PAK5: variants seen among roughly 807,000 people sequenced by gnomAD.
PAK5 encodes p21 (RAC1) activated kinase 5, also known as serine/threonine-protein kinase PAK 5.
Under a neutral mutation model 65.9 loss-of-function variants are expected in PAK5, and 16 were observed. The ratio of observed to expected loss-of-function variants is 0.24; its 90% CI spans 0.16 to 0.37. The LOEUF (loss-of-function observed/expected upper bound fraction) is 0.37, where lower values mean the gene tolerates loss of function less well. Among genes scored for constraint, PAK5 ranks in the 10% least tolerant of loss-of-function variants. PAK5 has a pLI of 1.00. For synonymous variants in PAK5, 371 were observed against 354.9 expected (o/e 1.05, Z -0.51); for missense variants, 785 against 903.9 (o/e 0.87, Z 1.69).
intron 1 of PAK5, among the ~76,000 whole-genome samples, chr20:9,722,033 C>T (rs2048221164): frequency 6.6e-6 from 1 of 152,056 alleles, no homozygotes. Context: ...CCACTATTAA[C>T]ATGTACCATG....
chr20:9,663,468 T>C (rs1165359479), intron 2 of PAK5, among the ~76,000 whole-genome samples: 2 of 152,194 alleles, frequency 1.3e-5, no homozygotes, highest in Non-Finnish European at 2.9e-5. Context: ...GAAATTCAAA[T>C]CTTTGAAAAA....
At chr20:9,823,141 C>A (rs1403601983) in intron 1 of PAK5, among the ~76,000 whole-genome samples, 1 of 152,132 alleles carries the variant, frequency 6.6e-6, no homozygotes, top group African/African-American at 2.4e-5. Flanking sequence ...CTTTTTTACC[C>A]TTCTGCCATG....
intron 1 of PAK5, among the ~76,000 whole-genome samples, chr20:9,729,209 TG>T (rs1449108524): frequency 6.6e-6 from 1 of 151,808 alleles, no homozygotes; most frequent in Non-Finnish European, 1.5e-5. Context: ...CACTCCAGCC[TG>T]GGTGACAGAG....
At chr20:9,751,165 G>A (rs112536526) in intron 1 of PAK5, among the ~76,000 whole-genome samples, 2,611 of 152,194 alleles carry the variant, frequency 0.017, 73 homozygotes, top group African/African-American at 0.057. Flanking sequence ...AATCTATGAG[G>A]TAAAAGGTCC....
intron 3 of PAK5, among the ~76,000 whole-genome samples, chr20:9,617,161 C>A (rs2046672158): frequency 6.6e-6 from 1 of 152,198 alleles, no homozygotes; most frequent in African/African-American, 2.4e-5. Context: ...AATTCGATTG[C>A]ATTTATAACT....
chr20:9,734,108 A>G (rs1246213412), intron 1 of PAK5, among the ~76,000 whole-genome samples: 1 of 152,194 alleles, frequency 6.6e-6, no homozygotes, highest in African/African-American at 2.4e-5. Flanking sequence ...GTAATAGGTG[A>G]ATTTATCCTG....
intron 5 of PAK5, 41 bp from the exon 6 acceptor site, chr20:9,563,065 A>G: frequency 6.2e-7 from 1 of 1,603,020 alleles, no homozygotes; most frequent in African/African-American, 1.4e-5. Flanking sequence ...GTGAAGATGA[A>G]GTTGCTTTTT....
chr20:9,824,626 G>A (rs551673982), intron 1 of PAK5, among the ~76,000 whole-genome samples: 23 of 152,158 alleles, frequency 1.5e-4, no homozygotes, highest in Admixed American at 1.3e-3. Flanking sequence ...GTATCTACAC[G>A]GCAATTTCCT....
In PAK5 at chr20:9,542,679, A is replaced by C; in HGVS notation, c.1911T>G (p.Ile637Met). The C allele has an allele frequency of 6.2e-7, 1 of 1,613,992 alleles. No homozygotes were observed. Among genetic ancestry groups the C allele is most frequent in the Non-Finnish European group, 8.5e-7 (1 of 1,179,862 alleles). Residue 637 changes from isoleucine (I) to methionine (M), a missense_variant, in exon 9 of 10, where the codon ATT (isoleucine) becomes ATG (methionine). This residue lies in a region of PAK5 where 110 missense variants were observed against 107.4 expected (regional missense o/e 1.02). Transcript: ENST00000353224. ...CATTGAAGTAGGGGGGCTCGCCATC[A>C]ATCATTTCTATCACCATGATCCCGA... is the stretch of plus-strand genomic sequence containing the variant. Reference protein sequence around the residue: ...WSLGIMVIEMIDGEPPYFNEP... With the variant: ...WSLGIMVIEMMDGEPPYFNEP...
chr20:9,721,113 C>T (rs1883547), intron 1 of PAK5, among the ~76,000 whole-genome samples: 3,249 of 152,112 alleles, frequency 0.021, 135 homozygotes, highest in African/African-American at 0.075. Flanking sequence ...AATTTTATCT[C>T]GATAAATATG....
chr20:9,543,387 CACTTTCCTGTT>C (rs1390638446), intron 8 of PAK5, among the ~76,000 whole-genome samples: 2 of 152,140 alleles, frequency 1.3e-5, no homozygotes, highest in Non-Finnish European at 2.9e-5. Context: ...CAGTCCCACT[CACTTTCCTGTT>C]AGGAAAGTTT....
intron 4 of PAK5, chr20:9,577,410 TGTGTACACACAC>T (rs2045904892): frequency 1.3e-5 from 2 of 151,992 alleles, no homozygotes; most frequent in Non-Finnish European, 2.9e-5. Flanking sequence ...CACACACACA[TGTGTACACACAC>T]ATGACCCTCC....
intron 3 of PAK5, among the ~76,000 whole-genome samples, chr20:9,632,698 T>G (rs2046937707): frequency 6.6e-6 from 1 of 152,234 alleles, no homozygotes. Context: ...GCTATTAATG[T>G]GCTCTGTGGT....
intron 4 of PAK5, among the ~76,000 whole-genome samples, chr20:9,579,269 C>T (rs897880695): frequency 2.0e-5 from 3 of 152,284 alleles, no homozygotes; most frequent in Non-Finnish European, 4.4e-5. Context: ...CCACACCCTA[C>T]GGTCCATGTT....
intron 2 of PAK5, among the ~76,000 whole-genome samples, chr20:9,663,520 A>G (rs1408785620): frequency 1.3e-5 from 2 of 152,156 alleles, no homozygotes; most frequent in South Asian, 4.1e-4. Flanking sequence ...ACTACTATTT[A>G]ATTTGGGTAA....
intron 3 of PAK5, among the ~76,000 whole-genome samples, chr20:9,627,023 T>C (rs2046854113): frequency 6.6e-6 from 1 of 152,220 alleles, no homozygotes; most frequent in South Asian, 2.1e-4. Context: ...TTTGCTAAGC[T>C]GCCTATGATG....
At chr20:9,541,570 T>C (rs992357193) in intron 9 of PAK5, among the ~76,000 whole-genome samples, 2 of 152,206 alleles carry the variant, frequency 1.3e-5, no homozygotes, top group Non-Finnish European at 2.9e-5. Context: ...GCCTTTCCAC[T>C]TGATGCTCCC....
At chr20:9,578,802 C>T (rs916309522) in intron 4 of PAK5, among the ~76,000 whole-genome samples, 1 of 151,988 alleles carries the variant, frequency 6.6e-6, no homozygotes, top group South Asian at 2.1e-4. Flanking sequence ...CCCTGGCAAG[C>T]ACACAGGAAG....
intron 4 of PAK5, among the ~76,000 whole-genome samples, chr20:9,570,143 A>C (rs1249893865): frequency 2.0e-5 from 3 of 152,322 alleles, no homozygotes; most frequent in Admixed American, 6.5e-5. Context: ...CTGAACTCTA[A>C]AGGATCAAAT....
Sources: gnomAD v4.1 joint callset for allele counts (sites outside exome capture counted in the v4.1 genomes callset) on GRCh38, gnomAD v4.1.1 for gene constraint, gnomAD v4.1.1 regional missense constraint, MANE v1.5 for transcripts, NCBI Gene and HGNC (gene_info 2026-07-23, HGNC 2026-07-21) for gene names.